ACSL1: variants seen among roughly 807,000 people sequenced by gnomAD.
The protein encoded by ACSL1 is acyl-CoA synthetase long chain family member 1, also known as long-chain-fatty-acid--CoA ligase 1.
ACSL1 carries 41 observed loss-of-function variants against 98.4 expected under a neutral mutation model. The observed-to-expected ratio is 0.42, with a 90% CI of 0.32 to 0.54. ACSL1 has a LOEUF of 0.54. ACSL1 is among the 20% of genes least tolerant of loss of function. The pLI is 0.13. For missense variants in ACSL1, 734 were observed against 883.1 expected (o/e 0.83, Z 2.14); for synonymous variants, 316 against 322.7 (o/e 0.98, Z 0.22).
At chr4:184,778,128 G>T (rs1488617396) in intron 5 of ACSL1, among the ~76,000 whole-genome samples, 1 of 152,216 alleles carries the variant, frequency 6.6e-6, no homozygotes, top group Non-Finnish European at 1.5e-5. Context: ...GAAGGCACTG[G>T]CCACATAGCC....
chr4:184,820,207 C>T (rs960424177), intron 1 of ACSL1, among the ~76,000 whole-genome samples: 1 of 152,086 alleles, frequency 6.6e-6, no homozygotes, highest in African/African-American at 2.4e-5. Context: ...TTAGTAGAGA[C>T]AGGGTTGCAC....
chr4:184,780,395 G>T lies in ACSL1; in HGVS notation c.414C>A (p.Ile138=), dbSNP rs1803898. The T allele has an allele frequency of 0.3, 488,327 of 1,612,490 alleles. 79,695 individuals are homozygous for T. Among genetic ancestry groups the T allele is most frequent in the Non-Finnish European group, 0.34 (398,135 of 1,179,216 alleles). Residue 138 remains isoleucine (I), a synonymous_variant, in exon 5 of 21, where the codon ATC becomes ATA. Transcript: ENST00000281455. ...ELSECIGSAL[I]QKGFKTAPDQ... ...CTGGGGCAGTCTTGAAGCCCTTCTGGATCAGTGCTGAGCCTATGCACTCCG... is the reference window on the plus strand; with the variant it reads ...CTGGGGCAGTCTTGAAGCCCTTCTGTATCAGTGCTGAGCCTATGCACTCCG...
At chr4:184,815,651 C>A (rs1210377880) in intron 1 of ACSL1, among the ~76,000 whole-genome samples, 1 of 152,072 alleles carries the variant, frequency 6.6e-6, no homozygotes, top group Non-Finnish European at 1.5e-5. Flanking sequence ...TTAAAATAGA[C>A]CAAGGTTTCA....
At chr4:184,816,277 A>C (rs1772628297) in intron 1 of ACSL1, among the ~76,000 whole-genome samples, 1 of 152,164 alleles carries the variant, frequency 6.6e-6, no homozygotes, top group South Asian at 2.1e-4. Context: ...GGAGGAAGCA[A>C]CAAGTGAAAT....
intron 1 of ACSL1, among the ~76,000 whole-genome samples, chr4:184,815,857 A>C (rs1472773484): frequency 2.0e-5 from 3 of 152,158 alleles, no homozygotes; most frequent in Non-Finnish European, 4.4e-5. Context: ...TTACAGGTTC[A>C]TGCCTGTAAA....
intron 1 of ACSL1, chr4:184,805,408 CACAA>C: frequency 1.1e-6 from 1 of 925,256 alleles, no homozygotes; most frequent in Non-Finnish European, 1.3e-6. Flanking sequence ...CACACACACA[CACAA>C]ACACACACAC....
intron 4 of ACSL1, 81 bp downstream of exon 4, chr4:184,783,846 C>T (rs543044267): frequency 3.0e-6 from 4 of 1,338,538 alleles, no homozygotes; most frequent in Non-Finnish European, 4.3e-6. Context: ...TCTGGAGAAA[C>T]CTTCCGGCTC....
In ACSL1 at chr4:184,825,734, C is replaced by A. The variant is rs1360019875; in HGVS notation, c.-33+182G>T. On this transcript the variant is annotated intron_variant, in intron 1 of 20. Transcript: ENST00000281455. The surrounding 1 kb of genome is among the most constrained non-coding windows in gnomAD (Gnocchi z 4.7). ...GGAGGCCTCCGGCTGCCGAGGGAAG[C>A]GGGGCCGCGGGCAGGAGGCCGGAAA... Among the ~76,000 whole-genome samples the A allele has an allele frequency of 1.3e-5, 2 of 149,790 alleles. No individual in the cohort carries two copies. The highest frequency in any genetic ancestry group is 3.0e-5 in the Non-Finnish European group (2 of 67,022).
intron 2 of ACSL1, 81 bp from the exon 3 acceptor site, chr4:184,788,812 C>A: frequency 9.8e-7 from 1 of 1,019,568 alleles, no homozygotes; most frequent in Non-Finnish European, 1.5e-6. Flanking sequence ...AGCTAATTAA[C>A]ATATCCATTC....
Position 184,756,076 on chromosome 4 carries a change from C to A in ACSL1, c.*1049G>T, listed in dbSNP as rs1410209637. The A allele has an allele frequency of 2.0e-5, 3 of 152,174 alleles. No homozygotes were observed. Among genetic ancestry groups the A allele is most frequent in the African/African-American group, 7.2e-5 (3 of 41,402 alleles). The allele number at this position is 152,174 out of a possible 1,614,324, so 9.4% of individuals were successfully genotyped here. On this transcript the variant is annotated 3_prime_UTR_variant, in exon 21 of 21. Transcript: ENST00000281455. ...ATAAGAACATTTGCTTATTACTGTC[C>A]ATTTCAATAAGTACTCAAGTATATA...
intron 1 of ACSL1, among the ~76,000 whole-genome samples, chr4:184,811,909 C>T (rs1772152143): frequency 6.6e-6 from 1 of 151,968 alleles, no homozygotes; most frequent in Non-Finnish European, 1.5e-5. Flanking sequence ...AATTTTGAGC[C>T]TGAGAATGAA....
At chr4:184,761,082 C>T (rs371678648) in intron 17 of ACSL1, among the ~76,000 whole-genome samples, 2 of 152,216 alleles carry the variant, frequency 1.3e-5, no homozygotes, top group Non-Finnish European at 2.9e-5. Flanking sequence ...AAACCCTAGT[C>T]CCACTTTTAC....
intron 3 of ACSL1, among the ~76,000 whole-genome samples, chr4:184,785,600 C>CCGGG (rs1392500206): frequency 0.013 from 255 of 19,168 alleles, 60 homozygotes; most frequent in Non-Finnish European, 0.041. Context: ...TCCTCCTGGG[C>CCGGG]GGGGGCGGGG....
chr4:184,775,608 AAG>A (rs1384540128), intron 7 of ACSL1, among the ~76,000 whole-genome samples: 1 of 152,176 alleles, frequency 6.6e-6, no homozygotes, highest in Non-Finnish European at 1.5e-5. Flanking sequence ...ACACATGCAC[AAG>A]AGAGAAGGTT....
intron 18 of ACSL1, 144 bp downstream of exon 18, chr4:184,760,213 G>GT: frequency 1.0e-6 from 1 of 952,454 alleles, no homozygotes; most frequent in Non-Finnish European, 1.5e-6. Flanking sequence ...ACAAAAATCA[G>GT]TAACAGGTCA....
chr4:184,805,061 G>GA (rs1275605610), intron 1 of ACSL1, among the ~76,000 whole-genome samples: 8 of 151,172 alleles, frequency 5.3e-5, no homozygotes, highest in Admixed American at 2.0e-4. Context: ...AAATTTACAA[G>GA]AAAAAAAACA....
At chr4:184,764,988 A>G in intron 14 of ACSL1, 63 bp from the exon 15 acceptor site, 1 of 1,521,874 alleles carries the variant, frequency 6.6e-7, no homozygotes, top group Non-Finnish European at 9.0e-7. Context: ...CTGGAAGTGC[A>G]CAAGCAATGA....
intron 5 of ACSL1, among the ~76,000 whole-genome samples, chr4:184,779,005 A>AT (rs1023619043): frequency 6.6e-6 from 1 of 152,158 alleles, no homozygotes; most frequent in Non-Finnish European, 1.5e-5. Context: ...ACAAGCAGGT[A>AT]TAAGAATAAA....
intron 1 of ACSL1, among the ~76,000 whole-genome samples, chr4:184,806,989 T>C (rs1189014683): frequency 1.3e-5 from 2 of 152,232 alleles, no homozygotes; most frequent in African/African-American, 2.4e-5. Flanking sequence ...CAGACACTGA[T>C]AGCATTATAA....
Sources: allele counts gnomAD v4.1 joint callset (sites outside exome capture counted in the v4.1 genomes callset), GRCh38; gene constraint gnomAD v4.1.1; non-coding constraint Gnocchi (gnomAD v3.1); transcripts MANE v1.5; gene names NCBI Gene and HGNC (gene_info 2026-07-23, HGNC 2026-07-21).